The following OGFOD3 variants were observed in gnomAD, a reference collection of about 807,000 sequenced individuals.
The protein encoded by OGFOD3 is 2-oxoglutarate and iron dependent oxygenase domain containing 3, also known as 2-oxoglutarate and iron-dependent oxygenase domain-containing protein 3.
A neutral mutation model predicts 39.8 loss-of-function variants in OGFOD3; 35 were observed. The observed-to-expected ratio is 0.88, with a 90% CI of 0.67 to 1.17. The LOEUF (loss-of-function observed/expected upper bound fraction) is 1.17. Among genes scored for constraint, OGFOD3 ranks in the 50% most tolerant of loss-of-function variants. The pLI is 0.00. For missense variants in OGFOD3, 438 were observed against 454.5 expected, an observed-to-expected ratio of 0.96 and a Z score of 0.33; for synonymous variants, 200 against 192.0, an observed-to-expected ratio of 1.04 and a Z score of -0.34.
At position 82,406,583 on chromosome 17, in the gene OGFOD3, C is replaced by T; in HGVS notation, c.424-101G>A. On this transcript the variant is annotated intron_variant, in intron 4 of 8. Transcript: ENST00000313056. This position sits in a 1 kb window ranked among gnomAD's most constrained non-coding sequence, Gnocchi z 5.2. ...GCGAGTTTCCAAGGTCTGGCCAGCACACACCTCAGGTGTTTTTTTGTTTTT... is the reference window on the plus strand; with the variant it reads ...GCGAGTTTCCAAGGTCTGGCCAGCATACACCTCAGGTGTTTTTTTGTTTTT... The T allele has an allele frequency of 1.0e-6, 1 of 973,826 alleles. No individual in the cohort carries two copies. Among genetic ancestry groups the T allele is most frequent in the Non-Finnish European group, 1.6e-6 (1 of 606,818 alleles). The allele number at this position is 973,826 out of a possible 1,614,324, so 60.3% of individuals were successfully genotyped here. A position where few individuals can be genotyped will look rare whatever the true frequency, so the allele number is the denominator to read the frequency against.
In OGFOD3 at chr17:82,415,535, G is replaced by A. The variant is rs1369082380; in HGVS notation, c.167C>T (p.Thr56Ile). Reference protein sequence around the residue: ...TAGLGAGFVLTALLLWSSLGA... With the variant: ...TAGLGAGFVLIALLLWSSLGA... ...CAAGCTGCTCCAGAGCAGGAGTGCG[G>A]TGAGCACAAAGCCAGCCCCCAGGCC... is the stretch of plus-strand genomic sequence containing the variant. The change falls in exon 2 of 9, where the codon ACC becomes ATC. Residue 56 changes from threonine (T) to isoleucine (I), a missense_variant. By Grantham distance (89) the Thr-to-Ile change is moderately conservative. Coordinates refer to ENST00000313056, the MANE Select transcript of OGFOD3 (RefSeq NM_024648.3). The surrounding 1 kb of genome is among the most constrained non-coding windows in gnomAD (Gnocchi z 5.3). The A allele has an allele frequency of 6.2e-7, 1 of 1,613,556 alleles. No individual in the cohort carries two copies. Among genetic ancestry groups the A allele is most frequent in the African/African-American group, 1.3e-5 (1 of 75,042 alleles).
chr17:82,398,960 C>T (rs1198707435), intron 7 of OGFOD3, among the ~76,000 whole-genome samples: 3 of 142,956 alleles, frequency 2.1e-5, no homozygotes, highest in African/African-American at 7.8e-5. Context: ...GAGGCATGAG[C>T]CACTGTGCCT....
rs1234414286 is a variant in OGFOD3 at position 82,391,294 on chromosome 17, C to T, written c.*1104G>A. 1 of 152,798 alleles carries T rather than the reference C, an allele frequency of 6.5e-6. No individual in the cohort carries two copies. 9.5% of individuals were successfully genotyped at this position (152,798 alleles called of 1,614,324 possible). A position where few individuals can be genotyped will look rare whatever the true frequency, so the allele number is the denominator to read the frequency against. Reference sequence around the variant, plus strand: ...GGCCTGCCCTCCCTGCCAGCCACCCCACCCAGGCCTCTCCACAACTGGTCT... The same window carrying T: ...GGCCTGCCCTCCCTGCCAGCCACCCTACCCAGGCCTCTCCACAACTGGTCT... On this transcript the variant is annotated 3_prime_UTR_variant, in exon 9 of 9. Transcript: ENST00000313056. This position sits in a 1 kb window ranked among gnomAD's most constrained non-coding sequence, Gnocchi z 5.1.
At chr17:82,411,410 CGT>C (rs767409215) in intron 3 of OGFOD3, 43 bp downstream of exon 3, 88 of 1,555,214 alleles carry the variant, frequency 5.7e-5, no homozygotes, top group Non-Finnish European at 6.7e-5. Flanking sequence ...CCCCACTCCG[CGT>C]GTGTTTGTTT....
intron 8 of OGFOD3, chr17:82,396,483 A>G (rs1026697368): frequency 2.6e-5 from 4 of 152,222 alleles, no homozygotes; most frequent in African/African-American, 4.8e-5. Context: ...ACACATAGAT[A>G]CAATTAGACA....
chr17:82,407,332 G>A (rs759895727), intron 4 of OGFOD3, among the ~76,000 whole-genome samples: 22 of 152,058 alleles, frequency 1.4e-4, no homozygotes, highest in Non-Finnish European at 2.6e-4. Flanking sequence ...ATGGTGGCAC[G>A]TGTGGGCTAT....
chr17:82,414,595 G>A (rs1468318507), intron 2 of OGFOD3, among the ~76,000 whole-genome samples: 6 of 152,212 alleles, frequency 3.9e-5, no homozygotes, highest in Non-Finnish European at 8.8e-5. Context: ...ACAGAAACAC[G>A]TTCATTTTCT....
intron 1 of OGFOD3, 32 bp downstream of exon 1, chr17:82,418,380 G>C (rs1438515028): frequency 5.0e-6 from 7 of 1,403,534 alleles, no homozygotes; most frequent in Middle Eastern, 2.5e-4. Context: ...GTCCGCCGCC[G>C]CAGCGCGCGC....
Position 82,411,523 on chromosome 17 carries a change from A to T in OGFOD3, c.312T>A (p.Thr104=). 6.2e-7 allele frequency: 1 copy of T among 1,614,028 alleles called. No individual in the cohort carries two copies. The highest frequency in any genetic ancestry group is 8.5e-7 in the Non-Finnish European group (1 of 1,179,978). ...TGACACCTCTGCCGCACTTTCGGGG[A>T]GTGCAGCCTGTGAAGGGACAGCCAG... The part of the protein sequence containing the change: ...YDSHRRFEGC[T]PRKCGRGVTD... The change falls in exon 3 of 9, where the codon ACT becomes ACA. Residue 104 remains threonine (T), a synonymous_variant. Transcript: ENST00000313056.
Position 82,418,407 on chromosome 17 carries a change from G to C in OGFOD3, c.74+5C>G. The C allele has an allele frequency of 6.8e-7, 1 of 1,475,276 alleles. No homozygotes were observed. The highest frequency in any genetic ancestry group is 8.9e-7 in the Non-Finnish European group (1 of 1,118,018). The allele number at this position is 1,475,276 out of a possible 1,614,324, so 91.4% of individuals were successfully genotyped here. A position where few individuals can be genotyped will look rare whatever the true frequency, so the allele number is the denominator to read the frequency against. ...AGCGCGCGCCCTTCCCCTCCTCACCGCTACCTGCTCCGGTTCCGGCGCTCG... is the reference window on the plus strand; with the variant it reads ...AGCGCGCGCCCTTCCCCTCCTCACCCCTACCTGCTCCGGTTCCGGCGCTCG... On this transcript the variant is annotated splice_donor_5th_base_variant and intron_variant, in intron 1 of 8. Transcript: ENST00000313056.
intron 7 of OGFOD3, among the ~76,000 whole-genome samples, chr17:82,398,572 T>A (rs1031504585): frequency 2.0e-5 from 3 of 152,086 alleles, no homozygotes; most frequent in African/African-American, 7.2e-5. Flanking sequence ...GCTAATTTTG[T>A]ATTTTTAGTA....
In OGFOD3 at chr17:82,401,823, AC is replaced by A. The variant is rs150449127; in HGVS notation, c.699+2113del. On this transcript the variant is annotated intron_variant, in intron 7 of 8. Transcript: ENST00000313056. ...CATCTCAAAAAAAAAAAAAAAAAAA[AC>A]AAAGACTGCCCTTGAAGAATAATTT... is the stretch of plus-strand genomic sequence containing the variant. 4.6e-3 allele frequency among the ~76,000 whole-genome samples: 676 copies of A among 146,876 alleles called. 14 individuals carry two copies. The highest frequency in any genetic ancestry group is 0.016 in the African/African-American group (618 of 39,868).
At chr17:82,416,579 G>A (rs566466621) in intron 1 of OGFOD3, among the ~76,000 whole-genome samples, 15 of 152,344 alleles carry the variant, frequency 9.8e-5, no homozygotes, top group African/African-American at 3.4e-4. Context: ...AATGATAAGA[G>A]AGGGGCTTTG....
In OGFOD3 at chr17:82,392,407, C is replaced by T. The variant is rs758206445; in HGVS notation, c.951G>A (p.Ala317=). The change falls in exon 9 of 9, where the codon GCG becomes GCA. Residue 317 remains alanine, a synonymous_variant. Transcript: ENST00000313056. The surrounding 1 kb of genome is among the most constrained non-coding windows in gnomAD (Gnocchi z 4.2). ...TTGGCCCGGCTGCTGGCTACGGGAA[C>T]GCTGGGTCCTCGATGCCATGGTCGG... is the stretch of plus-strand genomic sequence containing the variant. The part of the protein sequence containing the change: ...CNPDHGIEDP[A]FP The T allele has an allele frequency of 2.5e-5, 41 of 1,611,286 alleles. No individual in the cohort carries two copies. The highest frequency in any genetic ancestry group is 1.9e-4 in the Middle Eastern group (1 of 5,358).
In OGFOD3 at chr17:82,392,079, C is replaced by T. The variant is rs1301604033; in HGVS notation, c.*319G>A. 5 of 361,598 alleles carry T rather than the reference C, an allele frequency of 1.4e-5. No homozygotes were observed. Among genetic ancestry groups the T allele is most frequent in the South Asian group, 8.0e-5 (2 of 25,120 alleles). 22.4% of individuals were successfully genotyped at this position (361,598 alleles called of 1,614,324 possible). ...GGGGTTGCTGAACCTGGACGAGTCC[C>T]GGGGGGTTGCTGAACCTGGGTGGAT... On this transcript the variant is annotated 3_prime_UTR_variant, in exon 9 of 9. Transcript: ENST00000313056. This position sits in a 1 kb window ranked among gnomAD's most constrained non-coding sequence, Gnocchi z 4.2.
chr17:82,414,369 C>T (rs2052999862), intron 2 of OGFOD3, among the ~76,000 whole-genome samples: 1 of 152,156 alleles, frequency 6.6e-6, no homozygotes, highest in African/African-American at 2.4e-5. Flanking sequence ...AACTCTTGGC[C>T]TCAAGCGATC....
Position 82,392,617 on chromosome 17 carries a change from A to G in OGFOD3, c.824-83T>C. ...CAGAGGGTCTGCGGTCACCTGAAAG[A>G]GCAACTATAACCAATCAACACAACC... On this transcript the variant is annotated intron_variant, in intron 8 of 8. Coordinates refer to ENST00000313056, the MANE Select transcript of OGFOD3 (RefSeq NM_024648.3). The surrounding 1 kb of genome is among the most constrained non-coding windows in gnomAD (Gnocchi z 4.2). 1.4e-6 allele frequency: 2 copies of G among 1,477,694 alleles called. No homozygotes were observed. Among genetic ancestry groups the G allele is most frequent in the Non-Finnish European group, 1.8e-6 (2 of 1,099,058 alleles). 91.5% of individuals were successfully genotyped at this position (1,477,694 alleles called of 1,614,324 possible).
intron 6 of OGFOD3, 97 bp downstream of exon 6, chr17:82,405,227 C>T (rs2052836394): frequency 9.4e-7 from 1 of 1,067,146 alleles, no homozygotes; most frequent in Admixed American, 1.9e-5. Flanking sequence ...GCCCCTGGGC[C>T]TCTCCGTGGG....
At chr17:82,409,872 A>G (rs1052745708) in intron 3 of OGFOD3, among the ~76,000 whole-genome samples, 2 of 152,138 alleles carry the variant, frequency 1.3e-5, no homozygotes, top group Non-Finnish European at 2.9e-5. Context: ...TCCAGCCTGG[A>G]CAACAAAGCA....
Sources: gnomAD v4.1 joint callset for allele counts (sites outside exome capture counted in the v4.1 genomes callset) on GRCh38, gnomAD v4.1.1 for gene constraint, Gnocchi (gnomAD v3.1) non-coding constraint, MANE v1.5 for transcripts, NCBI Gene and HGNC (gene_info 2026-07-23, HGNC 2026-07-21) for gene names.